MSRA: variants seen among roughly 807,000 people sequenced by gnomAD.
MSRA encodes methionine sulfoxide reductase A.
MSRA carries 54 observed loss-of-function variants against 31.3 expected under a neutral mutation model. That is an observed-to-expected ratio of 1.73 (90% CI 1.39 to 2.17). MSRA has a LOEUF of 2.17. MSRA is among the 30% of genes most tolerant of loss of function. The pLI is 0.00. For missense variants in MSRA, 507 were observed against 300.9 expected, an observed-to-expected ratio of 1.69 and a Z score of -5.07; for synonymous variants, 169 against 116.5, an observed-to-expected ratio of 1.45 and a Z score of -2.90.
intron 3 of MSRA, among the ~76,000 whole-genome samples, chr8:10,279,974 G>C (rs1334892479): frequency 6.6e-6 from 1 of 151,980 alleles, no homozygotes; most frequent in East Asian, 1.9e-4. Context: ...TTTTCCTTTT[G>C]GAAAACATGT....
chr8:10,145,227 T>C (rs1465236242), intron 1 of MSRA, among the ~76,000 whole-genome samples: 2 of 152,180 alleles, frequency 1.3e-5, no homozygotes, highest in Non-Finnish European at 2.9e-5. Context: ...ACCTGTTCTA[T>C]GTGGGGATCA....
chr8:10,095,694 G>C (rs2128929558), intron 1 of MSRA: 2 of 1,032,200 alleles, frequency 1.9e-6, no homozygotes, highest in Middle Eastern at 4.6e-4. Context: ...AACCGTCCTG[G>C]GGTACAGAAA....
At chr8:10,265,136 T>A (rs1339372809) in intron 3 of MSRA, among the ~76,000 whole-genome samples, 4 of 152,196 alleles carry the variant, frequency 2.6e-5, no homozygotes. Context: ...TTTTACCAAA[T>A]TATGTCCTGG....
chr8:10,426,026 C>T (rs1168865119), intron 5 of MSRA, among the ~76,000 whole-genome samples: 1 of 152,226 alleles, frequency 6.6e-6, no homozygotes, highest in Non-Finnish European at 1.5e-5. Context: ...CCAGAATATT[C>T]CATTTCCACA....
rs1257710098 is a variant in MSRA at position 10,174,521 on chromosome 8, C to T, written c.143-33312C>T. On this transcript the variant is annotated intron_variant, in intron 1 of 5. Transcript: ENST00000317173. ...GGAGGCCTCTTCTCCCATGACTTCCCAGCTCACCTCCCCTCTGTGAGCTCA... is the reference window on the plus strand; with the variant it reads ...GGAGGCCTCTTCTCCCATGACTTCCTAGCTCACCTCCCCTCTGTGAGCTCA... Among the ~76,000 whole-genome samples the T allele has an allele frequency of 2.6e-5, 4 of 152,050 alleles. No homozygotes were observed. The East Asian group carries it at 7.8e-4, about 29-fold the overall frequency.
At chr8:10,103,101 T>C (rs546576611) in intron 1 of MSRA, among the ~76,000 whole-genome samples, 35 of 152,354 alleles carry the variant, frequency 2.3e-4, no homozygotes, top group African/African-American at 8.4e-4. Flanking sequence ...GTTTCTACTT[T>C]ATTAATTTAG....
At chr8:10,222,666 G>A (rs940761380) in intron 2 of MSRA, among the ~76,000 whole-genome samples, 1 of 152,162 alleles carries the variant, frequency 6.6e-6, no homozygotes, top group East Asian at 1.9e-4. Context: ...TAAGAAAGAA[G>A]GAAATCCTGT....
At chr8:10,073,149 T>TA (rs1381981983) in intron 1 of MSRA, among the ~76,000 whole-genome samples, 54 of 151,066 alleles carry the variant, frequency 3.6e-4, no homozygotes, top group Admixed American at 5.9e-4. Context: ...TCCCTAGCCT[T>TA]AAAAAAAAAG....
intron 3 of MSRA, among the ~76,000 whole-genome samples, chr8:10,280,381 G>T (rs2952245): frequency 1.3e-5 from 2 of 150,938 alleles, no homozygotes; most frequent in African/African-American, 2.4e-5. Context: ...TCAAGTTATA[G>T]ATTTCTATTG....
intron 5 of MSRA, among the ~76,000 whole-genome samples, chr8:10,404,131 C>T (rs766374030): frequency 1.3e-5 from 2 of 152,078 alleles, no homozygotes; most frequent in African/African-American, 4.8e-5. Context: ...GGGTGCCCTC[C>T]GCATGTCACA....
chr8:10,309,864 T>G (rs1230989209), intron 4 of MSRA, among the ~76,000 whole-genome samples: 7 of 152,098 alleles, frequency 4.6e-5, no homozygotes, highest in African/African-American at 1.7e-4. Context: ...GGGAATCGGG[T>G]GGGATAGGTC....
chr8:10,326,409 G>C (rs1802364968), intron 5 of MSRA: 2 of 152,174 alleles, frequency 1.3e-5, no homozygotes. Flanking sequence ...GTGGATACCA[G>C]CCTCACCAGC....
chr8:10,268,422 T>A (rs1798857264), intron 3 of MSRA, among the ~76,000 whole-genome samples: 1 of 152,228 alleles, frequency 6.6e-6, no homozygotes. Flanking sequence ...AGGCTTTCAC[T>A]TTCCATGGCA....
chr8:10,058,146 CAT>C (rs1802500738), intron 1 of MSRA, among the ~76,000 whole-genome samples: 1 of 152,128 alleles, frequency 6.6e-6, no homozygotes, highest in Middle Eastern at 3.4e-3. Context: ...TGGGCACTAA[CAT>C]GTTAAAAACA....
chr8:10,236,521 A>C (rs1162487501), intron 2 of MSRA, among the ~76,000 whole-genome samples: 2 of 152,214 alleles, frequency 1.3e-5, no homozygotes, highest in Non-Finnish European at 2.9e-5. Context: ...TGGGGTACAT[A>C]GAACTATATG....
At chr8:10,336,498 G>A (rs956080439) in intron 5 of MSRA, among the ~76,000 whole-genome samples, 4 of 148,900 alleles carry the variant, frequency 2.7e-5, no homozygotes, top group Non-Finnish European at 5.9e-5. Flanking sequence ...ATTGAAAATT[G>A]CTGTATGGTT....
intron 5 of MSRA, among the ~76,000 whole-genome samples, chr8:10,369,087 A>G (rs1458287497): frequency 6.6e-6 from 1 of 152,156 alleles, no homozygotes; most frequent in African/African-American, 2.4e-5. Context: ...TTCGAGATGA[A>G]CTCTACATTC....
chr8:10,309,103 C>A (rs1472537774), intron 4 of MSRA, among the ~76,000 whole-genome samples: 1 of 152,224 alleles, frequency 6.6e-6, no homozygotes, highest in African/African-American at 2.4e-5. Context: ...AGTCCCAGCC[C>A]TCACCCCCAT....
At chr8:10,097,054 T>C (rs1328019760) in intron 1 of MSRA, among the ~76,000 whole-genome samples, 2 of 152,216 alleles carry the variant, frequency 1.3e-5, no homozygotes, top group Non-Finnish European at 2.9e-5. Context: ...CCTTCGACAA[T>C]AAAAACCTGT....
Sources: gnomAD v4.1 joint callset for allele counts (sites outside exome capture counted in the v4.1 genomes callset) on GRCh38, gnomAD v4.1.1 for gene constraint, MANE v1.5 for transcripts, NCBI Gene and HGNC (gene_info 2026-07-23, HGNC 2026-07-21) for gene names.